Variants in BOLL observed in about 807,000 individuals in gnomAD.
BOLL encodes protein boule-like.
In BOLL, 23 loss-of-function variants were observed where a neutral mutation model predicts 44.4. That is an observed-to-expected ratio of 0.52 (90% CI 0.37 to 0.73). The LOEUF is 0.73. Ranked by LOEUF, BOLL falls within the 30% of genes least tolerant of loss-of-function variation. BOLL has a pLI of 0.00. For missense variants in BOLL, 287 were observed against 338.3 expected, an observed-to-expected ratio of 0.85 and a Z score of 1.19; for synonymous variants, 97 against 110.8, an observed-to-expected ratio of 0.88 and a Z score of 0.78.
intron 5 of BOLL, 86 bp downstream of exon 5, chr2:197,775,578 CT>C: frequency 1.1e-6 from 1 of 904,094 alleles, no homozygotes; most frequent in Non-Finnish European, 1.7e-6. Context: ...GAAACATGAT[CT>C]TTTAATAAAG....
intron 6 of BOLL, 127 bp downstream of exon 6, chr2:197,771,728 C>G: frequency 9.0e-7 from 1 of 1,116,902 alleles, no homozygotes; most frequent in Non-Finnish European, 1.2e-6. Context: ...ATGTTGATGT[C>G]TATTTAATTT....
At chr2:197,755,681 G>T (rs1406203466) in intron 9 of BOLL, among the ~76,000 whole-genome samples, 1 of 152,212 alleles carries the variant, frequency 6.6e-6, no homozygotes, top group Admixed American at 6.5e-5. Context: ...CTTGTAAGTG[G>T]GAGCTGAACA....
chr2:197,784,719 C>T (rs1689987947), intron 1 of BOLL: 6 of 987,036 alleles, frequency 6.1e-6, no homozygotes, highest in Admixed American at 6.2e-5. Flanking sequence ...GGAGCCATCG[C>T]GCCAGGCCTA....
chr2:197,730,800 G>A (rs1275705554), intron 10 of BOLL, among the ~76,000 whole-genome samples: 1 of 151,922 alleles, frequency 6.6e-6, no homozygotes, highest in Non-Finnish European at 1.5e-5. Context: ...CCTTACAAGA[G>A]CTCCTAAAGG....
intron 9 of BOLL, among the ~76,000 whole-genome samples, chr2:197,755,671 C>T (rs564795199): frequency 6.5e-4 from 99 of 152,278 alleles, no homozygotes; most frequent in African/African-American, 2.3e-3. Context: ...CACGTTCTCA[C>T]TTGTAAGTGG....
At chr2:197,773,274 A>G (rs1689346899) in intron 5 of BOLL, among the ~76,000 whole-genome samples, 3 of 152,018 alleles carry the variant, frequency 2.0e-5, no homozygotes, top group South Asian at 4.2e-4. Flanking sequence ...ATAATGGTTC[A>G]TTATTCAAAG....
chr2:197,779,027 C>T lies in BOLL; in HGVS notation c.169G>A (p.Gly57Arg), dbSNP rs1490783289. The T allele has an allele frequency of 6.2e-7, 1 of 1,611,250 alleles. No individual in the cohort carries two copies. The highest frequency in any genetic ancestry group is 1.7e-5 in the Admixed American group (1 of 59,788). The change falls in exon 3 of 11, where the codon GGG (glycine) becomes AGG (arginine). Residue 57 changes from glycine to arginine, a missense_variant. By Grantham distance (125) the Gly-to-Arg change is moderately radical. Transcript: ENST00000392296. The part of the protein sequence containing the change: ...SDLRKFFSQY[G>R]SVKEVKIVND... ...ACAATCTTCACTTCTTTCACAGACC[C>T]ATACTGGGAAAAAAATTTTCTTAAA...
chr2:197,776,715 T>C (rs889644730), intron 4 of BOLL, among the ~76,000 whole-genome samples: 1 of 152,120 alleles, frequency 6.6e-6, no homozygotes, highest in Non-Finnish European at 1.5e-5. Flanking sequence ...GTTTATATAA[T>C]GTTTTTCACA....
At chr2:197,756,308 TCAACAAAA>T in intron 9 of BOLL, 112 bp downstream of exon 9, 1 of 986,326 alleles carries the variant, frequency 1.0e-6, no homozygotes, top group Non-Finnish European at 1.4e-6. Flanking sequence ...TTTGAATAAA[TCAACAAAA>T]CAAAGATGAA....
intron 7 of BOLL, among the ~76,000 whole-genome samples, chr2:197,758,205 T>C (rs1688603173): frequency 1.3e-5 from 2 of 152,220 alleles, no homozygotes; most frequent in African/African-American, 4.8e-5. Context: ...TATGTGAATG[T>C]CCATCGCAGT....
chr2:197,760,011 C>T (rs548621638), intron 7 of BOLL, among the ~76,000 whole-genome samples: 3 of 152,274 alleles, frequency 2.0e-5, no homozygotes, highest in East Asian at 1.9e-4. Context: ...GAAATGGCCT[C>T]GTGCCCACCC....
intron 3 of BOLL, among the ~76,000 whole-genome samples, chr2:197,778,364 T>G (rs1025770019): frequency 4.6e-5 from 7 of 151,944 alleles, no homozygotes; most frequent in Non-Finnish European, 8.8e-5. Flanking sequence ...GTCCAACTCC[T>G]TAAGTGAGTG....
chr2:197,755,092 C>T (rs190301052), intron 9 of BOLL, among the ~76,000 whole-genome samples: 10 of 152,146 alleles, frequency 6.6e-5, no homozygotes, highest in South Asian at 4.2e-4. Context: ...GCAAAGGACA[C>T]GAACAGACAC....
intron 10 of BOLL, among the ~76,000 whole-genome samples, chr2:197,736,287 A>G (rs1687483327): frequency 6.6e-6 from 1 of 152,132 alleles, no homozygotes; most frequent in African/African-American, 2.4e-5. Context: ...TAACTAATCA[A>G]TATTTTAAAA....
intron 10 of BOLL, among the ~76,000 whole-genome samples, chr2:197,729,671 C>T (rs1687052429): frequency 6.6e-6 from 1 of 152,206 alleles, no homozygotes; most frequent in African/African-American, 2.4e-5. Context: ...CCCCAAGCAG[C>T]CTAACTGGGA....
chr2:197,736,113 C>T (rs1311547257), intron 10 of BOLL, among the ~76,000 whole-genome samples: 1 of 152,062 alleles, frequency 6.6e-6, no homozygotes, highest in Non-Finnish European at 1.5e-5. Flanking sequence ...TTAAAGTGAT[C>T]AAATTAACAC....
chr2:197,736,083 G>C (rs570192920), intron 10 of BOLL, among the ~76,000 whole-genome samples: 1 of 152,076 alleles, frequency 6.6e-6, no homozygotes, highest in East Asian at 1.9e-4. Context: ...ATGCTACTGT[G>C]GGCAAGTTAC....
Position 197,764,461 on chromosome 2 carries a change from C to A in BOLL, c.552+2071G>T, listed in dbSNP as rs535624424. On this transcript the variant is annotated intron_variant, in intron 7 of 10. Coordinates refer to ENST00000392296, the MANE Select transcript of BOLL (RefSeq NM_033030.6). ...CAGAAAGTTAAACAACACATGTTCT[C>A]ACTCATATATGGAAGCTAAAAAACA... Among the ~76,000 whole-genome samples the A allele has an allele frequency of 7.2e-5, 11 of 152,288 alleles. No homozygotes were observed. The South Asian group carries it at 2.3e-3, about 32-fold the overall frequency.
intron 8 of BOLL, 48 bp from the exon 9 acceptor site, chr2:197,756,604 T>C (rs945549495): frequency 4.0e-6 from 6 of 1,506,302 alleles, no homozygotes; most frequent in Middle Eastern, 1.8e-4. Context: ...TAGTTATTTC[T>C]GTTAAACCAA....
Sources: allele counts gnomAD v4.1 joint callset (sites outside exome capture counted in the v4.1 genomes callset), GRCh38; gene constraint gnomAD v4.1.1; transcripts MANE v1.5; gene names NCBI Gene and HGNC (gene_info 2026-07-23, HGNC 2026-07-21).